Variants in CLSTN2 observed in about 807,000 individuals in gnomAD.
The protein encoded by CLSTN2 is calsyntenin 2.
A neutral mutation model predicts 101.2 loss-of-function variants in CLSTN2; 48 were observed. The ratio of observed to expected loss-of-function variants is 0.47; its 90% CI spans 0.38 to 0.60. CLSTN2 has a LOEUF of 0.60. CLSTN2 is among the 20% of genes least tolerant of loss of function. The probability of loss-of-function intolerance (pLI) is 0.00; values close to 1 mark genes in which losing one functional copy is unlikely to be tolerated. For synonymous variants in CLSTN2, 481 were observed against 463.6 expected (o/e 1.04, Z -0.48); for missense variants, 1,160 against 1,238.2 (o/e 0.94, Z 0.95).
At chr3:140,518,273 G>A (rs548116899) in intron 8 of CLSTN2, among the ~76,000 whole-genome samples, 37 of 152,250 alleles carry the variant, frequency 2.4e-4, no homozygotes, top group Middle Eastern at 3.4e-3. Context: ...CTTCCCACCT[G>A]TAGCAACTTC....
intron 2 of CLSTN2, among the ~76,000 whole-genome samples, chr3:140,210,233 C>T (rs962456514): frequency 1.3e-5 from 2 of 152,176 alleles, no homozygotes; most frequent in African/African-American, 4.8e-5. Context: ...AGAATCTTAC[C>T]TTCAGTTTGC....
At chr3:140,105,185 C>T (rs142834674) in intron 1 of CLSTN2, among the ~76,000 whole-genome samples, 14 of 152,266 alleles carry the variant, frequency 9.2e-5, no homozygotes, top group Non-Finnish European at 1.8e-4. Context: ...TATGATATAT[C>T]ATCTTTAAGT....
intron 8 of CLSTN2, among the ~76,000 whole-genome samples, chr3:140,528,201 T>C (rs1219346681): frequency 6.6e-6 from 1 of 152,220 alleles, no homozygotes; most frequent in African/African-American, 2.4e-5. Context: ...TAGGAAAAGC[T>C]GCTTCAATAC....
At chr3:140,130,994 C>T (rs932560521) in intron 1 of CLSTN2, among the ~76,000 whole-genome samples, 3 of 151,932 alleles carry the variant, frequency 2.0e-5, no homozygotes, top group African/African-American at 7.3e-5. Flanking sequence ...TCAATAACAG[C>T]GCCAGGAAAA....
intron 2 of CLSTN2, among the ~76,000 whole-genome samples, chr3:140,309,845 G>A (rs373933933): frequency 7.2e-5 from 11 of 152,000 alleles, no homozygotes; most frequent in Non-Finnish European, 7.4e-5. Flanking sequence ...TCTCAGGCCC[G>A]GGCTCTACAC....
At chr3:140,119,621 T>G (rs1343789362) in intron 1 of CLSTN2, among the ~76,000 whole-genome samples, 1 of 152,006 alleles carries the variant, frequency 6.6e-6, no homozygotes, top group Non-Finnish European at 1.5e-5. Context: ...CTCAATCAAT[T>G]CTCCCACCTC....
intron 2 of CLSTN2, among the ~76,000 whole-genome samples, chr3:140,199,327 C>G (rs993362729): frequency 1.3e-5 from 2 of 152,168 alleles, no homozygotes; most frequent in African/African-American, 4.8e-5. Flanking sequence ...TTTATCTCAT[C>G]ATTGATTTCC....
chr3:140,091,897 G>A (rs148564791), intron 1 of CLSTN2, among the ~76,000 whole-genome samples: 22 of 152,162 alleles, frequency 1.4e-4, no homozygotes, highest in East Asian at 5.8e-4. Context: ...TCCATTCTTC[G>A]TGGTATTCCT....
chr3:140,255,533 T>C (rs1258819512), intron 2 of CLSTN2, among the ~76,000 whole-genome samples: 1 of 152,134 alleles, frequency 6.6e-6, no homozygotes, highest in Non-Finnish European at 1.5e-5. Flanking sequence ...TGTTGTCACT[T>C]ATAAGTGGGA....
intron 2 of CLSTN2, among the ~76,000 whole-genome samples, chr3:140,227,068 T>A (rs1353195302): frequency 6.6e-6 from 1 of 152,152 alleles, no homozygotes; most frequent in Non-Finnish European, 1.5e-5. Context: ...TCAAAACCAA[T>A]CATGCCTTCC....
chr3:140,025,417 G>A (rs2007398235), intron 1 of CLSTN2, among the ~76,000 whole-genome samples: 1 of 152,200 alleles, frequency 6.6e-6, no homozygotes, highest in Admixed American at 6.5e-5. Flanking sequence ...GTCCAGCTTT[G>A]TGACCTTCCA....
In CLSTN2 at chr3:140,285,186, TCTA is replaced by T. The variant is rs1419745351; in HGVS notation, c.232+109117_232+109119del. Among the ~76,000 whole-genome samples, 3 of 152,318 alleles carry T rather than the reference TCTA, an allele frequency of 2.0e-5. No individual in the cohort carries two copies. In the East Asian group the frequency reaches 5.8e-4, roughly 29 times the overall value. ...GTTCTCTGTGCTGTTCAATATTCTG[TCTA>T]CTAGCTACATGTGACTAGTAGGTAC... On this transcript the variant is annotated intron_variant, in intron 2 of 16. Coordinates refer to ENST00000458420, the MANE Select transcript of CLSTN2 (RefSeq NM_022131.3).
At chr3:140,416,515 T>A (rs376597042) in intron 4 of CLSTN2, among the ~76,000 whole-genome samples, 1 of 152,318 alleles carries the variant, frequency 6.6e-6, no homozygotes, top group East Asian at 1.9e-4. Flanking sequence ...CAATTTTTAT[T>A]TGTCAGTCAT....
chr3:140,304,302 G>A (rs1163825655), intron 2 of CLSTN2, among the ~76,000 whole-genome samples: 2 of 152,114 alleles, frequency 1.3e-5, no homozygotes, highest in African/African-American at 2.4e-5. Context: ...CGTCTTAGTT[G>A]GACAGCCATA....
chr3:140,403,869 C>T (rs753534831), intron 3 of CLSTN2, 45 bp downstream of exon 3: 2 of 1,439,784 alleles, frequency 1.4e-6, no homozygotes, highest in East Asian at 2.3e-5. Flanking sequence ...CCCTCCCGTG[C>T]CCACCCCACT....
At chr3:140,496,909 T>C (rs2107760229) in intron 8 of CLSTN2, among the ~76,000 whole-genome samples, 1 of 152,182 alleles carries the variant, frequency 6.6e-6, no homozygotes, top group Non-Finnish European at 1.5e-5. Flanking sequence ...GAGACTAGCC[T>C]GGCAAACATG....
At chr3:140,020,949 C>T (rs936503167) in intron 1 of CLSTN2, among the ~76,000 whole-genome samples, 2 of 152,116 alleles carry the variant, frequency 1.3e-5, no homozygotes, top group Admixed American at 6.5e-5. Flanking sequence ...TCTGCTGTGC[C>T]GTAAAAATGT....
chr3:140,012,098 G>A (rs973044727), intron 1 of CLSTN2, among the ~76,000 whole-genome samples: 1 of 152,112 alleles, frequency 6.6e-6, no homozygotes, highest in South Asian at 2.1e-4. Context: ...GAAGATGGAC[G>A]GGAGGGTGCT....
chr3:140,055,901 A>G (rs2008087574), intron 1 of CLSTN2, among the ~76,000 whole-genome samples: 2 of 152,238 alleles, frequency 1.3e-5, no homozygotes, highest in African/African-American at 2.4e-5. Flanking sequence ...ATGCATCTAC[A>G]TGAAAGAGCT....
Sources: gnomAD v4.1 joint callset for allele counts (sites outside exome capture counted in the v4.1 genomes callset) on GRCh38, gnomAD v4.1.1 for gene constraint, MANE v1.5 for transcripts, NCBI Gene and HGNC (gene_info 2026-07-23, HGNC 2026-07-21) for gene names.